The following PLCB4 variants were observed in gnomAD, a reference collection of about 807,000 sequenced individuals.
PLCB4 encodes phospholipase C beta 4, also known as 1-phosphatidylinositol 4,5-bisphosphate phosphodiesterase beta-4.
Under a neutral mutation model 178.8 loss-of-function variants are expected in PLCB4, and 77 were observed. That is an observed-to-expected ratio of 0.43 (90% CI 0.36 to 0.52). PLCB4 has a LOEUF of 0.52. PLCB4 is among the 20% of genes least tolerant of loss of function. The probability of loss-of-function intolerance (pLI) is 0.00; values close to 1 mark genes in which losing one functional copy is unlikely to be tolerated. For missense variants in PLCB4, 1,024 were observed against 1,453.4 expected (o/e 0.70, Z 4.80); for synonymous variants, 496 against 490.8 (o/e 1.01, Z -0.14).
chr20:9,118,712 G>A (rs2091863616), intron 2 of PLCB4, among the ~76,000 whole-genome samples: 1 of 152,104 alleles, frequency 6.6e-6, no homozygotes, highest in South Asian at 2.1e-4. Flanking sequence ...CTCGCTGAAT[G>A]GGTGAACAAG....
intron 3 of PLCB4, among the ~76,000 whole-genome samples, chr20:9,264,115 A>G (rs1034803509): frequency 1.3e-5 from 2 of 152,226 alleles, no homozygotes; most frequent in African/African-American, 4.8e-5. Flanking sequence ...TATTTAGAAT[A>G]CAGACTCCCT....
At chr20:9,104,461 C>A (rs1406489932) in intron 2 of PLCB4, among the ~76,000 whole-genome samples, 1 of 152,062 alleles carries the variant, frequency 6.6e-6, no homozygotes, top group East Asian at 1.9e-4. Flanking sequence ...AATTTGGGGA[C>A]CATGTTTTAA....
intron 3 of PLCB4, among the ~76,000 whole-genome samples, chr20:9,264,011 TA>T (rs1348033226): frequency 2.0e-5 from 3 of 152,186 alleles, no homozygotes; most frequent in African/African-American, 4.8e-5. Context: ...TTAACGTCTT[TA>T]AAAAGGCATC....
At chr20:9,286,841 C>A (rs2094540509) in intron 3 of PLCB4, among the ~76,000 whole-genome samples, 1 of 151,910 alleles carries the variant, frequency 6.6e-6, no homozygotes, top group African/African-American at 2.4e-5. Flanking sequence ...CTTTCCATCC[C>A]CTAGGATCTG....
intron 3 of PLCB4, among the ~76,000 whole-genome samples, chr20:9,248,454 A>T (rs1300892731): frequency 1.3e-5 from 2 of 152,210 alleles, no homozygotes; most frequent in East Asian, 3.8e-4. Context: ...AGTTTGTAAG[A>T]TTAGGAATAA....
chr20:9,130,266 C>T (rs1211572252), intron 2 of PLCB4, among the ~76,000 whole-genome samples: 1 of 152,152 alleles, frequency 6.6e-6, no homozygotes, highest in African/African-American at 2.4e-5. Context: ...AAGGCAGCTA[C>T]TGCAGAAACT....
intron 2 of PLCB4, among the ~76,000 whole-genome samples, chr20:9,214,935 A>C (rs2147260560): frequency 6.6e-6 from 1 of 152,258 alleles, no homozygotes; most frequent in Admixed American, 6.5e-5. Context: ...CTAGGGAATT[A>C]AAGAAGAGAA....
intron 3 of PLCB4, among the ~76,000 whole-genome samples, chr20:9,264,300 C>G (rs2094327435): frequency 6.6e-6 from 1 of 152,146 alleles, no homozygotes; most frequent in Admixed American, 6.5e-5. Flanking sequence ...TAATGTGTGT[C>G]CTACAACCTG....
chr20:9,074,724 T>A (rs2089749212), intron 1 of PLCB4, among the ~76,000 whole-genome samples: 1 of 152,056 alleles, frequency 6.6e-6, no homozygotes, highest in South Asian at 2.1e-4. Context: ...ATTCTGTGAC[T>A]TTGGTGTTTC....
At position 9,450,658 on chromosome 20, in the gene PLCB4, C is replaced by CTTTTTTTT. The variant is rs60982044; in HGVS notation, c.2881-2676_2881-2669dup. On this transcript the variant is annotated intron_variant, in intron 32 of 39. Transcript: ENST00000378473. ...ACTCAGTTTTCTTTTCTTTTCTTTT[C>CTTTTTTTT]TTTTTTTTTTTTTTTTTTTTGAGAT... is the stretch of plus-strand genomic sequence containing the variant. Among the ~76,000 whole-genome samples, 73 of 100,272 alleles carry CTTTTTTTT rather than the reference C, an allele frequency of 7.3e-4. 3 individuals carry two copies. Among genetic ancestry groups the CTTTTTTTT allele is most frequent in the East Asian group, 2.3e-3 (8 of 3,492 alleles). The allele number at this position is 100,272 out of a possible 152,430, so 65.8% of individuals were successfully genotyped here.
intron 30 of PLCB4, among the ~76,000 whole-genome samples, chr20:9,439,987 T>C (rs1200122683): frequency 2.6e-5 from 4 of 152,242 alleles, no homozygotes. Flanking sequence ...CAGCTGATCT[T>C]AGCTATGCTT....
chr20:9,294,347 A>C (rs890607089), intron 3 of PLCB4, among the ~76,000 whole-genome samples: 25 of 151,976 alleles, frequency 1.6e-4, no homozygotes, highest in African/African-American at 6.0e-4. Flanking sequence ...GTTGCCTGTC[A>C]TTCTTAACTG....
intron 2 of PLCB4, among the ~76,000 whole-genome samples, chr20:9,201,720 GA>G (rs991342388): frequency 2.6e-5 from 4 of 152,010 alleles, no homozygotes; most frequent in Middle Eastern, 3.4e-3. Context: ...AAAATAAGAA[GA>G]AAAAAAACTA....
chr20:9,162,062 G>GT (rs201847977), intron 2 of PLCB4, among the ~76,000 whole-genome samples: 3,237 of 151,848 alleles, frequency 0.021, 54 homozygotes, highest in African/African-American at 0.033. Context: ...AGCATGTTCT[G>GT]TTTTTTTTGT....
In PLCB4 at chr20:9,313,355, G is replaced by A. The variant is rs75385138; in HGVS notation, c.84+5457G>A. Among the ~76,000 whole-genome samples the A allele has an allele frequency of 1.2e-4, 18 of 152,286 alleles. No individual in the cohort carries two copies. The East Asian group carries it at 3.3e-3, about 28-fold the overall frequency. On this transcript the variant is annotated intron_variant, in intron 4 of 39. Coordinates refer to ENST00000378473, the MANE Select transcript of PLCB4 (RefSeq NM_001377142.1). The stretch of plus-strand genomic sequence containing the variant: ...AAAGTAAGGGTGCCAGACAGATGCT[G>A]GAAATTAGAAGGGACTTGGAGAAAC...
chr20:9,417,783 C>G (rs1028100329), intron 25 of PLCB4, among the ~76,000 whole-genome samples: 1 of 152,160 alleles, frequency 6.6e-6, no homozygotes, highest in Non-Finnish European at 1.5e-5. Context: ...GCCAGACTGT[C>G]TTTCTAAGTG....
intron 2 of PLCB4, among the ~76,000 whole-genome samples, chr20:9,162,065 T>C (rs753208661): frequency 6.6e-6 from 1 of 152,174 alleles, no homozygotes; most frequent in Non-Finnish European, 1.5e-5. Context: ...ATGTTCTGTT[T>C]TTTTTGTCAA....
chr20:9,140,269 C>T (rs995996669), intron 2 of PLCB4, among the ~76,000 whole-genome samples: 5 of 152,030 alleles, frequency 3.3e-5, no homozygotes, highest in African/African-American at 9.7e-5. Context: ...GATTAAGCCA[C>T]ATCCCCTGTC....
intron 3 of PLCB4, among the ~76,000 whole-genome samples, chr20:9,298,694 A>C (rs1171397911): frequency 7.2e-5 from 11 of 152,116 alleles, no homozygotes; most frequent in African/African-American, 2.7e-4. Context: ...ATCACCTAAT[A>C]AATTTATAAA....
Sources: allele counts gnomAD v4.1 joint callset (sites outside exome capture counted in the v4.1 genomes callset), GRCh38; gene constraint gnomAD v4.1.1; transcripts MANE v1.5; gene names NCBI Gene and HGNC (gene_info 2026-07-23, HGNC 2026-07-21).